MYO1D: variants seen among roughly 807,000 people sequenced by gnomAD.
MYO1D encodes myosin ID, also known as unconventional myosin-Id.
Under a neutral mutation model 122.0 loss-of-function variants are expected in MYO1D, and 83 were observed. That is an observed-to-expected ratio of 0.68 (90% confidence interval 0.57 to 0.82). The LOEUF (loss-of-function observed/expected upper bound fraction) is 0.82, where lower values mean the gene tolerates loss of function less well. Ranked by LOEUF, MYO1D falls within the 40% of genes least tolerant of loss-of-function variation. The pLI is 0.00. For missense variants in MYO1D, 1,157 were observed against 1,269.5 expected, an observed-to-expected ratio of 0.91 and a Z score of 1.35; for synonymous variants, 464 against 446.9, an observed-to-expected ratio of 1.04 and a Z score of -0.48.
At chr17:32,617,828 T>C (rs2087795023) in intron 20 of MYO1D, among the ~76,000 whole-genome samples, 1 of 152,220 alleles carries the variant, frequency 6.6e-6, no homozygotes, top group African/African-American at 2.4e-5. Flanking sequence ...AAGAATACAT[T>C]GTTTGGGATA....
intron 20 of MYO1D, among the ~76,000 whole-genome samples, chr17:32,635,449 C>T (rs940792823): frequency 1.3e-5 from 2 of 152,090 alleles, no homozygotes; most frequent in African/African-American, 2.4e-5. Context: ...GCCTGTAATC[C>T]CAGCGCTTTG....
rs190996094 is a variant in MYO1D, at chr17:32,516,725, G to T, written c.2865-21810C>A. Among the ~76,000 whole-genome samples the T allele has an allele frequency of 2.3e-3, 352 of 152,358 alleles. 1 individual carries two copies. Among genetic ancestry groups the T allele is most frequent in the African/African-American group, 7.3e-3 (305 of 41,580 alleles). ...GTGGGCAGTTTAGGCAAATTTCCCT[G>T]CTGTGTGTGTTTACAGCTTTAGTGG... is the stretch of plus-strand genomic sequence containing the variant. On this transcript the variant is annotated intron_variant, in intron 21 of 21. Coordinates refer to ENST00000318217, the MANE Select transcript of MYO1D (RefSeq NM_015194.3).
At chr17:32,679,910 T>A (rs2088883731) in intron 16 of MYO1D, among the ~76,000 whole-genome samples, 1 of 150,686 alleles carries the variant, frequency 6.6e-6, no homozygotes, top group African/African-American at 2.5e-5. Flanking sequence ...TGTTCTTCCA[T>A]TTGTTTGTAT....
At chr17:32,668,646 C>G (rs2088668260) in intron 16 of MYO1D, among the ~76,000 whole-genome samples, 1 of 152,056 alleles carries the variant, frequency 6.6e-6, no homozygotes. Context: ...TACTGCAATT[C>G]CCTTTATGGA....
chr17:32,783,627 A>C (rs1451595741), intron 1 of MYO1D, among the ~76,000 whole-genome samples: 1 of 152,266 alleles, frequency 6.6e-6, no homozygotes, highest in Non-Finnish European at 1.5e-5. Flanking sequence ...AAACGTTAGA[A>C]GCTCATTTTA....
chr17:32,525,887 C>T (rs540179211), intron 21 of MYO1D, among the ~76,000 whole-genome samples: 5 of 152,316 alleles, frequency 3.3e-5, no homozygotes, highest in African/African-American at 9.6e-5. Context: ...CCCCACCTAC[C>T]TGCCCTTCTC....
intron 16 of MYO1D, among the ~76,000 whole-genome samples, chr17:32,697,187 T>A (rs2089183995): frequency 6.6e-6 from 1 of 152,250 alleles, no homozygotes; most frequent in Admixed American, 6.5e-5. Context: ...AGCTTCTGGA[T>A]GGAGCTTTGT....
chr17:32,826,151 T>G (rs990536163), intron 1 of MYO1D, among the ~76,000 whole-genome samples: 1 of 152,156 alleles, frequency 6.6e-6, no homozygotes, highest in Admixed American at 6.5e-5. Flanking sequence ...TTTAGAGATC[T>G]TGATGATACA....
In MYO1D at chr17:32,494,730, C is replaced by T. The variant is rs371439625; in HGVS notation, c.*29G>A. On this transcript the variant is annotated 3_prime_UTR_variant, in exon 22 of 22. Coordinates refer to ENST00000318217, the MANE Select transcript of MYO1D (RefSeq NM_015194.3). ...TGGGACCCAGGACTCGGAGTGTGGC[C>T]GGGCTCCGGGCCAGGCCTCCGCGGG... 29 of 1,558,354 alleles carry T rather than the reference C, an allele frequency of 1.9e-5. No individual in the cohort carries two copies. Among genetic ancestry groups the T allele is most frequent in the Admixed American group, 3.7e-5 (2 of 53,624 alleles).
chr17:32,851,578 T>C (rs1438508213), intron 1 of MYO1D, among the ~76,000 whole-genome samples: 1 of 152,234 alleles, frequency 6.6e-6, no homozygotes, highest in Non-Finnish European at 1.5e-5. Context: ...AATGGTCTCC[T>C]CCATTCTTTG....
At chr17:32,763,446 T>C (rs2090023016) in intron 8 of MYO1D, among the ~76,000 whole-genome samples, 3 of 152,018 alleles carry the variant, frequency 2.0e-5, no homozygotes, top group Admixed American at 6.6e-5. Context: ...CACTTAGAAA[T>C]TGACAATAAA....
chr17:32,736,244 T>G (rs1179892603), intron 14 of MYO1D, among the ~76,000 whole-genome samples: 1 of 152,200 alleles, frequency 6.6e-6, no homozygotes, highest in Non-Finnish European at 1.5e-5. Context: ...TTCCCTACTT[T>G]ATGTCCAGTA....
chr17:32,846,490 C>G (rs1165918889), intron 1 of MYO1D, among the ~76,000 whole-genome samples: 1 of 152,084 alleles, frequency 6.6e-6, no homozygotes, highest in Admixed American at 6.5e-5. Flanking sequence ...TTAAAAAAAT[C>G]TAATTTTGTG....
intron 14 of MYO1D, among the ~76,000 whole-genome samples, chr17:32,731,334 T>C (rs1193769057): frequency 6.6e-6 from 1 of 152,258 alleles, no homozygotes. Context: ...AACCTATCCA[T>C]TGAATTTTTA....
Position 32,765,749 on chromosome 17 carries a change from C to G in MYO1D, c.832-668G>C, listed in dbSNP as rs185065328. 4.2e-4 allele frequency among the ~76,000 whole-genome samples: 64 copies of G among 152,244 alleles called. No homozygotes were observed. In the East Asian group the frequency reaches 7.0e-3, roughly 17 times the overall value. On this transcript the variant is annotated intron_variant, in intron 7 of 21. Coordinates refer to ENST00000318217, the MANE Select transcript of MYO1D (RefSeq NM_015194.3). ...CTGGGATTACAGGCGTGAGCCACCG[C>G]GCCTGGCCTTTTTCCTTAAACTTTT...
intron 14 of MYO1D, among the ~76,000 whole-genome samples, chr17:32,736,672 T>C (rs2089704930): frequency 6.6e-6 from 1 of 152,250 alleles, no homozygotes; most frequent in Admixed American, 6.5e-5. Flanking sequence ...TTTTATTTCT[T>C]TACATGGCAC....
chr17:32,731,031 T>C (rs1046508356), intron 14 of MYO1D, among the ~76,000 whole-genome samples: 1 of 151,916 alleles, frequency 6.6e-6, no homozygotes, highest in Admixed American at 6.6e-5. Flanking sequence ...CTCAGCCTTC[T>C]GAGTAGCTGG....
intron 16 of MYO1D, among the ~76,000 whole-genome samples, chr17:32,676,319 T>G (rs563607473): frequency 3.5e-4 from 53 of 151,846 alleles, no homozygotes; most frequent in African/African-American, 1.3e-3. Context: ...TCATTAGCTA[T>G]TTAGATTTTT....
chr17:32,521,199 G>A (rs1910125759), intron 21 of MYO1D, among the ~76,000 whole-genome samples: 3 of 152,166 alleles, frequency 2.0e-5, no homozygotes, highest in South Asian at 4.1e-4. Flanking sequence ...CCCTCCCTCA[G>A]GGCCAGATGG....
Sources: gnomAD v4.1 joint callset for allele counts (sites outside exome capture counted in the v4.1 genomes callset) on GRCh38, gnomAD v4.1.1 for gene constraint, MANE v1.5 for transcripts, NCBI Gene and HGNC (gene_info 2026-07-23, HGNC 2026-07-21) for gene names.